The following ARSG variants were observed in gnomAD, a reference collection of about 807,000 sequenced individuals.
ARSG encodes ASG.
ARSG carries 37 observed loss-of-function variants against 50.5 expected under a neutral mutation model. The observed-to-expected ratio is 0.73, with a 90% confidence interval of 0.56 to 0.96. The LOEUF (loss-of-function observed/expected upper bound fraction) is 0.96. Ranked by LOEUF, ARSG falls within the 50% of genes least tolerant of loss-of-function variation. The pLI, the probability that ARSG is intolerant of heterozygous loss-of-function variation, is 0.00. For synonymous variants in ARSG, 225 were observed against 254.6 expected (o/e 0.88, Z 1.11); for missense variants, 629 against 675.3 (o/e 0.93, Z 0.76).
intron 1 of ARSG, among the ~76,000 whole-genome samples, chr17:68,299,025 T>G (rs1203473999): frequency 6.6e-6 from 1 of 151,530 alleles, no homozygotes; most frequent in Non-Finnish European, 1.5e-5. Flanking sequence ...ATAGAAAAGA[T>G]AGTACAAAGC....
chr17:68,427,836 C>T, the ARSG span, among the ~76,000 whole-genome samples: 3 of 152,202 alleles, frequency 2.0e-5, no homozygotes, highest in East Asian at 5.8e-4. Flanking sequence ...GCCCTGGCCA[C>T]AGCAGGAGAG....
At chr17:68,351,746 G>A in intron 5 of ARSG, 60 bp downstream of exon 5, 2 of 1,105,024 alleles carry the variant, frequency 1.8e-6, no homozygotes, top group South Asian at 2.5e-5. Context: ...CCAAGACTGT[G>A]GTCCATCAGC....
chr17:68,376,184 A>G (rs1294675231), intron 8 of ARSG, among the ~76,000 whole-genome samples: 1 of 151,516 alleles, frequency 6.6e-6, no homozygotes, highest in Non-Finnish European at 1.5e-5. Flanking sequence ...ATCATAGCTC[A>G]TTGCAGCCTC....
chr17:68,426,917 G>A (rs142463405), downstream of ARSG, among the ~76,000 whole-genome samples: 1 of 152,180 alleles, frequency 6.6e-6, no homozygotes, highest in African/African-American at 2.4e-5. Context: ...GCCAGGTTGA[G>A]GGTCCCAGGT....
chr17:68,331,666 T>C (rs962877488), intron 2 of ARSG, among the ~76,000 whole-genome samples: 11 of 152,210 alleles, frequency 7.2e-5, no homozygotes, highest in African/African-American at 2.4e-4. Flanking sequence ...CTGGCCTGAC[T>C]ATTGGGGGAA....
intron 9 of ARSG, among the ~76,000 whole-genome samples, chr17:68,393,039 C>A: frequency 6.6e-6 from 1 of 152,158 alleles, no homozygotes; most frequent in East Asian, 1.9e-4. Context: ...ACAGGGATTA[C>A]CCTTGTGAAT....
the ARSG span, among the ~76,000 whole-genome samples, chr17:68,435,345 C>T: frequency 0.011 from 1,643 of 152,292 alleles, 32 homozygotes; most frequent in African/African-American, 0.037. Context: ...TCCGTCTCTA[C>T]GGCTGATGTA....
At chr17:68,270,839 C>G in intron 1 of ARSG, 1 of 1,597,178 alleles carries the variant, frequency 6.3e-7, no homozygotes, top group Non-Finnish European at 8.5e-7. Flanking sequence ...TTTAAATTAC[C>G]TGCAAGGGGC....
chr17:68,365,163 A>G (rs1210743859), intron 6 of ARSG, among the ~76,000 whole-genome samples: 1 of 152,180 alleles, frequency 6.6e-6, no homozygotes, highest in Non-Finnish European at 1.5e-5. Flanking sequence ...TACAAAAATT[A>G]GCCAGGTGTG....
At chr17:68,437,947 TTAA>T in the ARSG span, among the ~76,000 whole-genome samples, 5 of 58,806 alleles carry the variant, frequency 8.5e-5, no homozygotes, top group South Asian at 6.5e-4. Context: ...GACATCTCTC[TTAA>T]AAAAAAAAAA....
chr17:68,324,070 CAAAAA>C (rs57040262), intron 2 of ARSG, among the ~76,000 whole-genome samples: 30 of 89,824 alleles, frequency 3.3e-4, no homozygotes, highest in Non-Finnish European at 4.5e-4. Flanking sequence ...AAAACTCCAT[CAAAAA>C]AAAAAAAAAA....
At chr17:68,444,476 C>T in the ARSG span, 1 of 1,605,398 alleles carries the variant, frequency 6.2e-7, no homozygotes, top group Middle Eastern at 1.7e-4. Flanking sequence ...GACATTTGTT[C>T]CATTTTTGGA....
At chr17:68,306,392 C>CA (rs375666130) in intron 1 of ARSG, among the ~76,000 whole-genome samples, 1,994 of 144,380 alleles carry the variant, frequency 0.014, 27 homozygotes, top group Non-Finnish European at 0.021. Context: ...GACTCAGTCT[C>CA]AAAAAAAAAA....
intron 2 of ARSG, among the ~76,000 whole-genome samples, chr17:68,335,186 G>A (rs140078790): frequency 2.6e-5 from 4 of 152,042 alleles, no homozygotes; most frequent in East Asian, 3.9e-4. Context: ...TTGTAGAGAC[G>A]GGAGTCTCCC....
At chr17:68,335,443 A>G (rs1465445509) in intron 2 of ARSG, among the ~76,000 whole-genome samples, 2 of 151,018 alleles carry the variant, frequency 1.3e-5, no homozygotes, top group African/African-American at 4.9e-5. Flanking sequence ...AGTCCCAGCT[A>G]CTCGGGAGGC....
intron 2 of ARSG, among the ~76,000 whole-genome samples, chr17:68,337,600 C>A (rs1051594881): frequency 1.6e-5 from 1 of 64,050 alleles, no homozygotes; most frequent in Non-Finnish European, 3.1e-5. Flanking sequence ...TAAGCAGAAA[C>A]GCTTCTATTT....
chr17:68,274,899 G>C (rs2075462276), intron 1 of ARSG, among the ~76,000 whole-genome samples: 1 of 151,794 alleles, frequency 6.6e-6, no homozygotes, highest in Non-Finnish European at 1.5e-5. Context: ...TCCTGCCTCA[G>C]CCTCCCAAGT....
At chr17:68,411,988 T>A (rs988817601) in intron 11 of ARSG, among the ~76,000 whole-genome samples, 12 of 152,136 alleles carry the variant, frequency 7.9e-5, no homozygotes, top group Non-Finnish European at 1.8e-4. Flanking sequence ...TCTTCCTCCA[T>A]CCTTTTATTT....
chr17:68,405,130 CTTTTTTT>C (rs58178643), intron 11 of ARSG, among the ~76,000 whole-genome samples: 2 of 93,030 alleles, frequency 2.1e-5, no homozygotes, highest in African/African-American at 8.4e-5. Context: ...CAGCTTTGGG[CTTTTTTT>C]TTTTTTTTTT....
Sources: allele counts gnomAD v4.1 joint callset (sites outside exome capture counted in the v4.1 genomes callset), GRCh38; gene constraint gnomAD v4.1.1; transcripts MANE v1.5; gene names NCBI Gene and HGNC (gene_info 2026-07-23, HGNC 2026-07-21).